Variants in PPP6R2 observed in about 807,000 individuals in gnomAD.
PPP6R2 encodes serine/threonine-protein phosphatase 6 regulatory subunit 2.
A neutral mutation model predicts 100.2 loss-of-function variants in PPP6R2; 62 were observed. That is an observed-to-expected ratio of 0.62 (90% confidence interval 0.50 to 0.76). PPP6R2 has a LOEUF of 0.76. Among genes scored for constraint, PPP6R2 ranks in the 30% least tolerant of loss-of-function variants. The pLI, the probability that PPP6R2 is intolerant of heterozygous loss-of-function variation, is 0.00. For synonymous variants in PPP6R2, 525 were observed against 514.7 expected (o/e 1.02, Z -0.27); for missense variants, 1,142 against 1,276.3 (o/e 0.89, Z 1.60).
chr22:50,372,978 C>T (rs930155432), intron 2 of PPP6R2, among the ~76,000 whole-genome samples: 17 of 152,034 alleles, frequency 1.1e-4, no homozygotes, highest in Admixed American at 8.5e-4. Flanking sequence ...TGAGCCACCG[C>T]GCCCTGTCCA....
rs186511221 is a variant in PPP6R2 at position 50,432,573 on chromosome 22, G to A, written c.1400+244G>A. On this transcript the variant is annotated intron_variant, in intron 12 of 23. Transcript: ENST00000612753. ...CAGGAAGCGGTCCCGTCCCCACCAG[G>A]CACCTGCTCTGGCCCCCGCCCAGCC... Among the ~76,000 whole-genome samples the A allele has an allele frequency of 3.1e-3, 469 of 152,274 alleles. 9 individuals are homozygous for A. The highest frequency in any genetic ancestry group is 0.011 in the East Asian group (58 of 5,178).
At chr22:50,335,005 T>C in the PPP6R2 span, among the ~76,000 whole-genome samples, 2 of 152,004 alleles carry the variant, frequency 1.3e-5, no homozygotes, top group Non-Finnish European at 2.9e-5. Flanking sequence ...AGAGATTACA[T>C]TGGATCCACA....
intron 1 of PPP6R2, among the ~76,000 whole-genome samples, chr22:50,353,976 T>G (rs1174750454): frequency 6.6e-6 from 1 of 152,196 alleles, no homozygotes; most frequent in Non-Finnish European, 1.5e-5. Flanking sequence ...ATTTGTGTGT[T>G]CTTGTTTATG....
At chr22:50,349,144 G>C (rs1384946295) in intron 1 of PPP6R2, among the ~76,000 whole-genome samples, 1 of 148,158 alleles carries the variant, frequency 6.7e-6, no homozygotes, top group Non-Finnish European at 1.5e-5. Flanking sequence ...GCAGTGTGCC[G>C]AGATTGTGCC....
intron 2 of PPP6R2, chr22:50,391,943 TTTGGCAAAAAAAAAAAAA>T (rs1409445853): frequency 7.2e-6 from 1 of 138,358 alleles, no homozygotes; most frequent in Non-Finnish European, 1.6e-5. Flanking sequence ...AAGTTCTGAT[TTTGGCAAAAAAAAAAAAA>T]AAAAGCCTTG....
chr22:50,414,316 G>A (rs968877929), intron 4 of PPP6R2, among the ~76,000 whole-genome samples: 1 of 127,614 alleles, frequency 7.8e-6, no homozygotes, highest in Non-Finnish European at 1.6e-5. Flanking sequence ...GAGCCACAGG[G>A]GTCCCTGTGC....
intron 1 of PPP6R2, 107 bp from the exon 2 acceptor site, chr22:50,371,913 A>C (rs936987469): frequency 6.6e-6 from 1 of 152,376 alleles, no homozygotes; most frequent in Non-Finnish European, 1.5e-5. Context: ...TGGGGATTAA[A>C]GGTGTGAGCC....
At chr22:50,359,217 CTTTTTT>C (rs368586121) in intron 1 of PPP6R2, among the ~76,000 whole-genome samples, 1 of 129,174 alleles carries the variant, frequency 7.7e-6, no homozygotes, top group African/African-American at 3.1e-5. Flanking sequence ...CCAGGCTGGT[CTTTTTT>C]TTTTTTTTTT....
upstream of PPP6R2, among the ~76,000 whole-genome samples, chr22:50,339,793 GT>G (rs2042349851): frequency 1.7e-5 from 2 of 117,510 alleles, no homozygotes; most frequent in African/African-American, 4.2e-5. Context: ...TGTGTGGTGT[GT>G]GTGGGGTATG....
intron 8 of PPP6R2, 119 bp downstream of exon 8, chr22:50,419,581 C>A: frequency 4.2e-6 from 3 of 711,556 alleles, no homozygotes; most frequent in Non-Finnish European, 7.3e-6. Flanking sequence ...ATGCAAGTAA[C>A]AACATGGATA....
At chr22:50,362,597 G>A (rs1203954463) in intron 1 of PPP6R2, among the ~76,000 whole-genome samples, 4 of 152,174 alleles carry the variant, frequency 2.6e-5, no homozygotes, top group African/African-American at 9.7e-5. Context: ...ATTGTGTCGT[G>A]TCCACCCCAG....
chr22:50,427,368 G>C (rs1430203864), intron 10 of PPP6R2, among the ~76,000 whole-genome samples: 3 of 152,106 alleles, frequency 2.0e-5, no homozygotes, highest in Non-Finnish European at 4.4e-5. Context: ...GATTGTTTTG[G>C]CTATTCAAAG....
chr22:50,335,678 A>ATTT, the PPP6R2 span, among the ~76,000 whole-genome samples: 1 of 128,942 alleles, frequency 7.8e-6, no homozygotes, highest in African/African-American at 3.1e-5. Flanking sequence ...CACCCAACTA[A>ATTT]TTTTTTTTTT....
chr22:50,405,215 T>A (rs2147085955), intron 3 of PPP6R2, among the ~76,000 whole-genome samples: 1 of 152,108 alleles, frequency 6.6e-6, no homozygotes, highest in Admixed American at 6.5e-5. Context: ...AGATGTGGCC[T>A]CGCGGAAACA....
At chr22:50,435,392 G>A (rs1180868133) in intron 13 of PPP6R2, among the ~76,000 whole-genome samples, 4 of 152,218 alleles carry the variant, frequency 2.6e-5, no homozygotes, top group East Asian at 1.9e-4. Context: ...TAGCGCCACC[G>A]GGCTCCTTGC....
At chr22:50,444,151 G>C in intron 23 of PPP6R2, 34 bp downstream of exon 23, 1 of 1,612,238 alleles carries the variant, frequency 6.2e-7, no homozygotes, top group Non-Finnish European at 8.5e-7. Flanking sequence ...AGGGGGTGTG[G>C]ACAGGGCCCG....
chr22:50,370,818 G>A (rs1289535171), intron 1 of PPP6R2, among the ~76,000 whole-genome samples: 4 of 151,206 alleles, frequency 2.6e-5, no homozygotes, highest in East Asian at 3.9e-4. Context: ...ATTTTTAGTA[G>A]AGACGGGGTT....
At chr22:50,404,296 T>C (rs1264452247) in intron 3 of PPP6R2, among the ~76,000 whole-genome samples, 2 of 152,068 alleles carry the variant, frequency 1.3e-5, no homozygotes, top group African/African-American at 4.8e-5. Context: ...GGTTTCACCA[T>C]GTTGGCCAGA....
In PPP6R2 at chr22:50,438,723, G is replaced by A. The variant is rs774142761; in HGVS notation, c.2089G>A (p.Gly697Arg). Residue 697 changes from glycine (G) to arginine (R), a missense_variant, in exon 19 of 24, where the codon GGG (glycine) becomes AGG (arginine). Coordinates refer to ENST00000612753, the MANE Select transcript of PPP6R2 (RefSeq NM_001242898.2). ...APGAGAPPAP[G>R]KKEAPPVEGD... ...TGGGGCAGGTGCCCCACCGGCCCCC[G>A]GGAAGAAGGAAGCGCCCCCTGTGGA... is the stretch of plus-strand genomic sequence containing the variant. The A allele has an allele frequency of 4.0e-5, 64 of 1,611,454 alleles. No homozygotes were observed. Among genetic ancestry groups the A allele is most frequent in the East Asian group, 1.3e-4 (6 of 44,698 alleles).
Sources: gnomAD v4.1 joint callset for allele counts (sites outside exome capture counted in the v4.1 genomes callset) on GRCh38, gnomAD v4.1.1 for gene constraint, MANE v1.5 for transcripts, NCBI Gene and HGNC (gene_info 2026-07-23, HGNC 2026-07-21) for gene names.